Variants in LOC128125817 observed in about 807,000 individuals in gnomAD.
the LOC128125817 span, among the ~76,000 whole-genome samples, chr1:41,585,947 GC>G: frequency 5.9e-5 from 9 of 152,248 alleles, no homozygotes; most frequent in Admixed American, 3.3e-4. Context: ...ATCATTCACT[GC>G]TTTTTACCCC....
At chr1:41,585,764 G>A in the LOC128125817 span, among the ~76,000 whole-genome samples, 1 of 152,132 alleles carries the variant, frequency 6.6e-6, no homozygotes, top group Non-Finnish European at 1.5e-5. Context: ...AGCTGCAGTG[G>A]GCCCAATGAC....
the LOC128125817 span, among the ~76,000 whole-genome samples, chr1:41,598,215 A>G: frequency 6.6e-6 from 1 of 152,184 alleles, no homozygotes; most frequent in Non-Finnish European, 1.5e-5. Context: ...CGCCTAAGAG[A>G]GACCCAAATT....
chr1:41,620,027 A>G, the LOC128125817 span, among the ~76,000 whole-genome samples: 1 of 152,206 alleles, frequency 6.6e-6, no homozygotes, highest in African/African-American at 2.4e-5. Context: ...GCTGCAGCTG[A>G]GTTCCTTTGA....
chr1:41,626,786 G>A, the LOC128125817 span, among the ~76,000 whole-genome samples: 2 of 152,162 alleles, frequency 1.3e-5, no homozygotes, highest in Admixed American at 6.5e-5. Context: ...CAGCATGATC[G>A]ATTCCTATGA....
chr1:41,610,159 C>T, the LOC128125817 span, among the ~76,000 whole-genome samples: 1 of 152,188 alleles, frequency 6.6e-6, no homozygotes, highest in Admixed American at 6.5e-5. Flanking sequence ...TAAAATCTCT[C>T]TCTCTGTATA....
chr1:41,595,465 C>CAA, the LOC128125817 span, among the ~76,000 whole-genome samples: 6 of 152,054 alleles, frequency 3.9e-5, no homozygotes, highest in African/African-American at 1.4e-4. Context: ...TGGGACATGC[C>CAA]GAGAAAGGAG....
the LOC128125817 span, among the ~76,000 whole-genome samples, chr1:41,627,196 C>T: frequency 2.0e-5 from 3 of 152,218 alleles, no homozygotes; most frequent in Non-Finnish European, 4.4e-5. Flanking sequence ...GGGTGACTCA[C>T]GTTTGGGAGG....
At chr1:41,602,697 A>AT in the LOC128125817 span, among the ~76,000 whole-genome samples, 8 of 151,650 alleles carry the variant, frequency 5.3e-5, no homozygotes, top group Non-Finnish European at 7.4e-5. Context: ...AGTTTCATTG[A>AT]TTTTTTTCCT....
chr1:41,611,685 C>T, the LOC128125817 span, among the ~76,000 whole-genome samples: 3 of 152,242 alleles, frequency 2.0e-5, no homozygotes, highest in African/African-American at 4.8e-5. Context: ...AGGGAAAACT[C>T]GAATGTTGTT....
At chr1:41,587,314 T>A in the LOC128125817 span, among the ~76,000 whole-genome samples, 2 of 152,228 alleles carry the variant, frequency 1.3e-5, no homozygotes, top group African/African-American at 4.8e-5. Context: ...GATTCTCCTA[T>A]GAGCAGTCAA....
At chr1:41,621,647 G>A in the LOC128125817 span, among the ~76,000 whole-genome samples, 1 of 152,196 alleles carries the variant, frequency 6.6e-6, no homozygotes, top group African/African-American at 2.4e-5. Context: ...CAATATTTAG[G>A]ACTACAGGAG....
the LOC128125817 span, among the ~76,000 whole-genome samples, chr1:41,611,888 G>A: frequency 6.6e-6 from 1 of 152,300 alleles, no homozygotes; most frequent in East Asian, 1.9e-4. Context: ...GGTTGCCTGA[G>A]GTCGGCTCAC....
chr1:41,600,012 G>A, the LOC128125817 span, among the ~76,000 whole-genome samples: 2 of 152,084 alleles, frequency 1.3e-5, no homozygotes, highest in Admixed American at 1.3e-4. Flanking sequence ...TCAAAACCAC[G>A]AAGATACCAC....
chr1:41,588,062 C>T, the LOC128125817 span, among the ~76,000 whole-genome samples: 1 of 152,298 alleles, frequency 6.6e-6, no homozygotes, highest in African/African-American at 2.4e-5. Context: ...GTCCTGGCAG[C>T]CTTACCCCAG....
chr1:41,607,777 C>T, the LOC128125817 span, among the ~76,000 whole-genome samples: 59 of 152,306 alleles, frequency 3.9e-4, no homozygotes, highest in African/African-American at 1.1e-3. Context: ...GTGGCTTAGA[C>T]GAGACAGTTT....
the LOC128125817 span, among the ~76,000 whole-genome samples, chr1:41,621,448 C>T: frequency 4.6e-5 from 7 of 152,244 alleles, no homozygotes; most frequent in Admixed American, 2.6e-4. Context: ...GGCCTGCAGC[C>T]GTGGCCAGAC....
the LOC128125817 span, among the ~76,000 whole-genome samples, chr1:41,608,676 C>T: frequency 1.3e-5 from 2 of 152,212 alleles, no homozygotes; most frequent in African/African-American, 4.8e-5. Context: ...TCTGTCTGTG[C>T]AATCTCATGG....
the LOC128125817 span, among the ~76,000 whole-genome samples, chr1:41,611,706 G>T: frequency 6.6e-6 from 1 of 152,252 alleles, no homozygotes; most frequent in African/African-American, 2.4e-5. Context: ...CAGGCCTGGG[G>T]ATCTAGAGAC....
chr1:41,605,600 T>C, the LOC128125817 span, among the ~76,000 whole-genome samples: 2 of 151,678 alleles, frequency 1.3e-5, no homozygotes, highest in African/African-American at 4.8e-5. Flanking sequence ...TAGAAACAGG[T>C]TCCCAGTACA....
Sources: gnomAD v4.1 joint callset for allele counts (sites outside exome capture counted in the v4.1 genomes callset) on GRCh38, gnomAD v4.1.1 for gene constraint, MANE v1.5 for transcripts.